Variants in TPD52 observed in about 807,000 individuals in gnomAD.
TPD52 encodes the protein prostate and colon associated protein.
TPD52 carries 17 observed loss-of-function variants against 31.3 expected under a neutral mutation model. The observed-to-expected ratio is 0.54, with a 90% CI of 0.37 to 0.82. TPD52 has a LOEUF of 0.82. Ranked by LOEUF, TPD52 falls within the 40% of genes least tolerant of loss-of-function variation. The pLI is 0.00. For missense variants in TPD52, 212 were observed against 240.1 expected (o/e 0.88, Z 0.77); for synonymous variants, 83 against 89.6 (o/e 0.93, Z 0.42).
intron 1 of TPD52, among the ~76,000 whole-genome samples, chr8:80,108,801 TAA>T (rs936439097): frequency 6.6e-6 from 1 of 152,242 alleles, no homozygotes; most frequent in African/African-American, 2.4e-5. Flanking sequence ...GCTGGTTCTT[TAA>T]AGTTTTAAGA....
chr8:80,055,514 T>C (rs1224003916), intron 2 of TPD52, among the ~76,000 whole-genome samples: 2 of 152,224 alleles, frequency 1.3e-5, no homozygotes, highest in Non-Finnish European at 2.9e-5. Flanking sequence ...AAAGATTTTA[T>C]GGCTAAGACC....
intron 1 of TPD52, among the ~76,000 whole-genome samples, chr8:80,110,079 C>A (rs1335304230): frequency 2.6e-5 from 4 of 152,162 alleles, no homozygotes; most frequent in Non-Finnish European, 5.9e-5. Flanking sequence ...ATGCTTAGAG[C>A]TCAAATCTAG....
chr8:80,049,334 G>T (rs773946032), intron 5 of TPD52, among the ~76,000 whole-genome samples: 1 of 152,214 alleles, frequency 6.6e-6, no homozygotes, highest in African/African-American at 2.4e-5. Context: ...AATGGGTGAT[G>T]TGACTGGCTC....
chr8:80,071,822 A>G (rs1023878426), intron 1 of TPD52, among the ~76,000 whole-genome samples: 5 of 152,060 alleles, frequency 3.3e-5, no homozygotes, highest in Non-Finnish European at 7.4e-5. Flanking sequence ...TCTAGAGTGC[A>G]TATCTGACGA....
Position 80,147,456 on chromosome 8 carries a change from C to T in TPD52, c.19+23969G>A, listed in dbSNP as rs989890584. 4.6e-5 allele frequency among the ~76,000 whole-genome samples: 7 copies of T among 152,252 alleles called. No homozygotes were observed. The South Asian group carries it at 8.3e-4, about 18-fold the overall frequency. On this transcript the variant is annotated intron_variant, in intron 1 of 7. Transcript: ENST00000518937. ...GTTCAGCTGGTCTTACTGGTGACTC[C>T]GGTGGAGAGAGTACATGACAAACAG...
At chr8:80,067,866 A>G (rs550502063) in intron 1 of TPD52, among the ~76,000 whole-genome samples, 1 of 152,000 alleles carries the variant, frequency 6.6e-6, no homozygotes, top group East Asian at 1.9e-4. Flanking sequence ...TTTGCCTTAT[A>G]TATTCGTCTA....
intron 3 of TPD52, 27 bp downstream of exon 3, chr8:80,053,255 G>T: frequency 6.2e-7 from 1 of 1,610,314 alleles, no homozygotes; most frequent in Non-Finnish European, 8.5e-7. Context: ...ACACTCCCAA[G>T]GAAAGTGTAT....
chr8:80,096,211 G>A (rs1816722202), intron 1 of TPD52, among the ~76,000 whole-genome samples: 1 of 152,076 alleles, frequency 6.6e-6, no homozygotes. Context: ...AGCCATGATT[G>A]TGCCAATGTA....
chr8:80,166,013 C>A (rs1438999662), intron 1 of TPD52, among the ~76,000 whole-genome samples: 2 of 152,106 alleles, frequency 1.3e-5, no homozygotes, highest in Non-Finnish European at 2.9e-5. Flanking sequence ...ATACAAATGG[C>A]CATTAAAAAT....
intron 1 of TPD52, among the ~76,000 whole-genome samples, chr8:80,100,882 G>A (rs761894586): frequency 1.3e-5 from 2 of 152,140 alleles, no homozygotes; most frequent in African/African-American, 2.4e-5. Flanking sequence ...GCTTTACTCA[G>A]TCTACCAATT....
chr8:80,086,595 T>C (rs1346735415), intron 1 of TPD52, among the ~76,000 whole-genome samples: 2 of 151,970 alleles, frequency 1.3e-5, no homozygotes, highest in Non-Finnish European at 2.9e-5. Flanking sequence ...ATTTACTGGC[T>C]GGGCTTGGTG....
intron 2 of TPD52, among the ~76,000 whole-genome samples, chr8:80,058,491 G>A (rs1334852837): frequency 6.6e-6 from 1 of 152,154 alleles, no homozygotes; most frequent in African/African-American, 2.4e-5. Context: ...GTATTCTAAT[G>A]CCCTCTACAA....
intron 1 of TPD52, among the ~76,000 whole-genome samples, chr8:80,081,156 CTTTTT>C (rs5892705): frequency 8.2e-5 from 9 of 109,392 alleles, no homozygotes; most frequent in African/African-American, 1.8e-4. Flanking sequence ...TTTTCTCTCT[CTTTTT>C]TTTTTTTTTT....
rs759207656 is a variant in TPD52, at chr8:80,038,150, T to C, written c.590A>G (p.Glu197Gly). The change falls in exon 8 of 8, where the codon GAG becomes GGG. Residue 197 changes from glutamate (E) to glycine (G), a missense_variant. Coordinates refer to ENST00000518937, the MANE Select transcript of TPD52 (RefSeq NM_001025253.3). The part of the protein sequence containing the change: ...SAANASATTT[E>G]PLPEKTQESL Reference sequence around the variant, plus strand: ...CTCCTGTGTCTTTTCTGGAAGAGGCTCCGTGGTGGTGGCACTAGCATTTGC... The same window carrying C: ...CTCCTGTGTCTTTTCTGGAAGAGGCCCCGTGGTGGTGGCACTAGCATTTGC... 4 of 1,614,076 alleles carry C rather than the reference T, an allele frequency of 2.5e-6. No homozygotes were observed. In the South Asian group the frequency reaches 3.3e-5, roughly 13 times the overall value.
intron 1 of TPD52, among the ~76,000 whole-genome samples, chr8:80,084,996 C>T (rs918762289): frequency 2.0e-5 from 3 of 152,034 alleles, no homozygotes; most frequent in Non-Finnish European, 1.5e-5. Flanking sequence ...GAAACACTGA[C>T]ATAATTATAT....
chr8:80,119,407 T>C (rs927220708), intron 1 of TPD52, among the ~76,000 whole-genome samples: 2 of 152,242 alleles, frequency 1.3e-5, no homozygotes, highest in Non-Finnish European at 2.9e-5. Flanking sequence ...GCTGTATGGT[T>C]ATCAGAATTA....
intron 1 of TPD52, among the ~76,000 whole-genome samples, chr8:80,151,051 C>G (rs981519236): frequency 6.6e-6 from 1 of 152,090 alleles, no homozygotes; most frequent in African/African-American, 2.4e-5. Flanking sequence ...GTGGGAGGGA[C>G]CTGGTGGGAG....
intron 1 of TPD52, among the ~76,000 whole-genome samples, chr8:80,128,986 A>T (rs887477699): frequency 6.6e-6 from 1 of 152,184 alleles, no homozygotes; most frequent in East Asian, 1.9e-4. Context: ...CAAGATTTTT[A>T]AAAAACATTA....
At chr8:80,069,226 G>GACAGA in intron 1 of TPD52, among the ~76,000 whole-genome samples, 1 of 152,314 alleles carries the variant, frequency 6.6e-6, no homozygotes, top group East Asian at 1.9e-4. Context: ...CACTTTGGGA[G>GACAGA]GCCAAGGTGG....
Sources: gnomAD v4.1 joint callset for allele counts (sites outside exome capture counted in the v4.1 genomes callset) on GRCh38, gnomAD v4.1.1 for gene constraint, MANE v1.5 for transcripts, NCBI Gene and HGNC (gene_info 2026-07-23, HGNC 2026-07-21) for gene names.